CCDC3: variants seen among roughly 807,000 people sequenced by gnomAD.
CCDC3 encodes coiled-coil domain-containing protein 3.
CCDC3 carries 24 observed loss-of-function variants against 21.4 expected under a neutral mutation model. The observed-to-expected ratio is 1.12, with a 90% CI of 0.81 to 1.58. The LOEUF is 1.58. Ranked by LOEUF, CCDC3 falls within the 40% of genes most tolerant of loss-of-function variation. The pLI, the probability that CCDC3 is intolerant of heterozygous loss-of-function variation, is 0.00. For synonymous variants in CCDC3, 186 were observed against 166.0 expected (o/e 1.12, Z -0.93); for missense variants, 425 against 360.9 (o/e 1.18, Z -1.44).
intron 2 of CCDC3, among the ~76,000 whole-genome samples, chr10:12,901,263 A>G (rs1406753960): frequency 6.6e-6 from 1 of 151,466 alleles, no homozygotes; most frequent in Non-Finnish European, 1.5e-5. Flanking sequence ...CTCTTACATT[A>G]TTTTTTCTTT....
intron 2 of CCDC3, among the ~76,000 whole-genome samples, chr10:12,981,582 G>T (rs1244735909): frequency 6.6e-6 from 1 of 152,108 alleles, no homozygotes. Flanking sequence ...CAAGAAAAGT[G>T]ATAAAAATTC....
chr10:12,928,890 G>T (rs1416656654), intron 2 of CCDC3, among the ~76,000 whole-genome samples: 2 of 152,164 alleles, frequency 1.3e-5, no homozygotes, highest in Non-Finnish European at 2.9e-5. Context: ...ATACCCAGGG[G>T]AGGAAAGAGC....
At chr10:13,066,134 A>T (rs954024590) in intron 4 of CCDC3, among the ~76,000 whole-genome samples, 15 of 151,940 alleles carry the variant, frequency 9.9e-5, no homozygotes, top group African/African-American at 2.7e-4. Context: ...TGAGCCTAGG[A>T]ATTTGCAGCT....
chr10:12,992,455 C>G (rs1225210357), intron 2 of CCDC3, among the ~76,000 whole-genome samples: 2 of 152,054 alleles, frequency 1.3e-5, no homozygotes, highest in African/African-American at 4.8e-5. Flanking sequence ...TTATATATGT[C>G]ATGGAATACT....
In CCDC3 at chr10:13,017,660, A is replaced by T. The variant is rs1411478390; in HGVS notation, c.-1-19148T>A. Among the ~76,000 whole-genome samples, 5 of 152,086 alleles carry T rather than the reference A, an allele frequency of 3.3e-5. 1 individual carries two copies. The highest frequency in any genetic ancestry group is 4.8e-5 in the African/African-American group (2 of 41,432). The stretch of plus-strand genomic sequence containing the variant: ...ATACTAGGCACAGCCTGAGCATTTG[A>T]CAATATTCATCATTCAACATTTACA... On this transcript the variant is annotated intron_variant, in intron 5 of 6. Coordinates refer to the CCDC3 transcript ENST00000378839.
At chr10:12,949,477 A>C (rs1301105162) in intron 2 of CCDC3, among the ~76,000 whole-genome samples, 1 of 152,166 alleles carries the variant, frequency 6.6e-6, no homozygotes, top group Non-Finnish European at 1.5e-5. Context: ...GAGCCACCCG[A>C]TGGAGGGATC....
At chr10:13,043,573 G>T (rs916163490) in intron 5 of CCDC3, among the ~76,000 whole-genome samples, 1 of 152,088 alleles carries the variant, frequency 6.6e-6, no homozygotes, top group Non-Finnish European at 1.5e-5. Flanking sequence ...AGCCAGGGGG[G>T]ACAGAGTGAG....
At chr10:13,062,884 C>T (rs1836774618) in intron 4 of CCDC3, among the ~76,000 whole-genome samples, 1 of 152,068 alleles carries the variant, frequency 6.6e-6, no homozygotes, top group Non-Finnish European at 1.5e-5. Flanking sequence ...TCTGACACTA[C>T]CCAGATCAAT....
intron 5 of CCDC3, chr10:13,049,582 C>T (rs1429191086): frequency 6.6e-6 from 1 of 152,144 alleles, no homozygotes; most frequent in African/African-American, 2.4e-5. Context: ...CTTTTTATTT[C>T]AAAACAACTA....
intron 4 of CCDC3, among the ~76,000 whole-genome samples, chr10:13,054,750 C>A (rs1400572279): frequency 6.6e-6 from 1 of 152,058 alleles, no homozygotes; most frequent in Non-Finnish European, 1.5e-5. Context: ...TCATTGCAAC[C>A]TCTGCCTCCT....
chr10:13,086,994 T>C (rs1837119679), intron 3 of CCDC3, among the ~76,000 whole-genome samples: 1 of 152,236 alleles, frequency 6.6e-6, no homozygotes, highest in African/African-American at 2.4e-5. Context: ...CCTCAGCTTT[T>C]CAAACCTGGC....
intron 3 of CCDC3, among the ~76,000 whole-genome samples, chr10:13,085,981 G>C (rs78411037): frequency 0.13 from 19,655 of 147,020 alleles, 1,531 homozygotes; most frequent in East Asian, 0.23. Context: ...AAAAAAAAAA[G>C]AAAGAAAGAA....
rs892792658 is a variant in CCDC3 at position 13,048,915 on chromosome 10, C to G, written c.-2+759G>C. Among the ~76,000 whole-genome samples, 21 of 152,196 alleles carry G rather than the reference C, an allele frequency of 1.4e-4. No homozygotes were observed. In the East Asian group the frequency reaches 3.9e-3, roughly 28 times the overall value. On this transcript the variant is annotated intron_variant, in intron 5 of 6. Transcript: ENST00000378839. ...CGTGGTCTTTTTTTTAATCATCTGGCTTATATTTTCCATTTTTCATTGCAC... is the reference window on the plus strand; with the variant it reads ...CGTGGTCTTTTTTTTAATCATCTGGGTTATATTTTCCATTTTTCATTGCAC...
intron 5 of CCDC3, among the ~76,000 whole-genome samples, chr10:13,010,768 C>A (rs1372625519): frequency 6.6e-6 from 1 of 152,160 alleles, no homozygotes; most frequent in Non-Finnish European, 1.5e-5. Flanking sequence ...CACTACTCAT[C>A]AATAGTAAGC....
intron 4 of CCDC3, among the ~76,000 whole-genome samples, chr10:13,052,977 CA>C (rs1836630785): frequency 4.8e-5 from 4 of 83,950 alleles, no homozygotes; most frequent in African/African-American, 1.9e-4. Context: ...CACACACACA[CA>C]CACACACATA....
intron 2 of CCDC3, among the ~76,000 whole-genome samples, chr10:12,985,590 C>T (rs980163422): frequency 1.3e-5 from 2 of 152,176 alleles, no homozygotes; most frequent in African/African-American, 4.8e-5. Context: ...GAATACTACC[C>T]AGCAATGAAA....
intron 2 of CCDC3, among the ~76,000 whole-genome samples, chr10:12,948,876 C>T (rs959545329): frequency 9.8e-5 from 14 of 142,184 alleles, no homozygotes; most frequent in Middle Eastern, 3.6e-3. Context: ...GGACTACAGG[C>T]GCCCACCACC....
At chr10:12,950,914 A>T (rs1418427107) in intron 2 of CCDC3, among the ~76,000 whole-genome samples, 1 of 152,182 alleles carries the variant, frequency 6.6e-6, no homozygotes, top group Non-Finnish European at 1.5e-5. Flanking sequence ...ATGACAGGTC[A>T]GCCTAGGTCA....
upstream of CCDC3, among the ~76,000 whole-genome samples, chr10:13,003,745 C>G (rs1313534890): frequency 6.6e-6 from 1 of 152,242 alleles, no homozygotes; most frequent in African/African-American, 2.4e-5. Context: ...AAGGCCCTCT[C>G]TTTTCTTTCC....
Sources: gnomAD v4.1 joint callset for allele counts (sites outside exome capture counted in the v4.1 genomes callset) on GRCh38, gnomAD v4.1.1 for gene constraint, MANE v1.5 for transcripts, NCBI Gene and HGNC (gene_info 2026-07-23, HGNC 2026-07-21) for gene names.